Variants in KLHL3 observed in about 807,000 individuals in gnomAD.
KLHL3 encodes the protein kelch like family member 3.
Under a neutral mutation model 70.5 loss-of-function variants are expected in KLHL3, and 19 were observed. The ratio of observed to expected loss-of-function variants is 0.27; its 90% confidence interval spans 0.19 to 0.40. The LOEUF is 0.40. Among genes scored for constraint, KLHL3 ranks in the 10% least tolerant of loss-of-function variants. The probability of loss-of-function intolerance (pLI) is 1.00; values close to 1 mark genes in which losing one functional copy is unlikely to be tolerated. For missense variants in KLHL3, 512 were observed against 771.1 expected, an observed-to-expected ratio of 0.66 and a Z score of 3.98; for synonymous variants, 258 against 290.3, an observed-to-expected ratio of 0.89 and a Z score of 1.13.
chr5:137,634,249 C>T, intron 11 of KLHL3, 84 bp from the exon 12 acceptor site: 1 of 1,442,194 alleles, frequency 6.9e-7, no homozygotes, highest in South Asian at 1.4e-5. Flanking sequence ...CTGCAACCAA[C>T]TGGGGCACCC....
rs559946687 is a variant in KLHL3 at position 137,637,268 on chromosome 5, G to A, written c.1321+26C>T. 27 of 1,593,802 alleles carry A rather than the reference G, an allele frequency of 1.7e-5. No individual in the cohort carries two copies. In the African/African-American group the frequency reaches 3.1e-4, roughly 18 times the overall value. On this transcript the variant is annotated intron_variant, in intron 11 of 14. Transcript: ENST00000309755. ...AAGGCCCGTGGGCCAGGTAGGCCTGGCCACTGGCCACTGCCGCCTCCTTAC... is the reference window on the plus strand; with the variant it reads ...AAGGCCCGTGGGCCAGGTAGGCCTGACCACTGGCCACTGCCGCCTCCTTAC...
At chr5:137,631,089 A>AAAG (rs1554090059) in intron 12 of KLHL3, among the ~76,000 whole-genome samples, 1,615 of 141,636 alleles carry the variant, frequency 0.011, 24 homozygotes, top group African/African-American at 0.044. Flanking sequence ...AAAAAAAAAA[A>AAAG]AGAGAGAGAG....
intron 5 of KLHL3, among the ~76,000 whole-genome samples, chr5:137,682,403 T>TAGAGAGAGAGAGAGAGAGGGAG (rs1752049975): frequency 7.5e-6 from 1 of 133,374 alleles, no homozygotes; most frequent in Non-Finnish European, 1.6e-5. Flanking sequence ...GTGCTGGACA[T>TAGAGAGAGAGAGAGAGAGGGAG]AGAGAGAGAG....
In KLHL3 at chr5:137,698,286, C is replaced by T; in HGVS notation, c.363+1G>A. 1 of 1,614,164 alleles carries T rather than the reference C, an allele frequency of 6.2e-7. No individual in the cohort carries two copies. Among genetic ancestry groups the T allele is most frequent in the Non-Finnish European group, 8.5e-7 (1 of 1,180,012 alleles). ...TGAGCTATTAGTGAGCCTGAGTTTA[C>T]CTGGACATTCTCTTCAGTCACCTCG... On this transcript the variant is annotated splice_donor_variant, in intron 4 of 14. Coordinates refer to ENST00000309755, the MANE Select transcript of KLHL3 (RefSeq NM_017415.3). LOFTEE classifies it high-confidence loss of function.
At chr5:137,730,281 G>A (rs1213164592) in intron 1 of KLHL3, among the ~76,000 whole-genome samples, 1 of 152,172 alleles carries the variant, frequency 6.6e-6, no homozygotes, top group African/African-American at 2.4e-5. Flanking sequence ...CAGGCCAAGT[G>A]AGGCACAACC....
At chr5:137,637,748 C>T (rs1460196952) in intron 10 of KLHL3, among the ~76,000 whole-genome samples, 1 of 152,224 alleles carries the variant, frequency 6.6e-6, no homozygotes, top group Non-Finnish European at 1.5e-5. Flanking sequence ...CCCTTTCCCC[C>T]AGCTTCCTCT....
rs548868163 is a variant in KLHL3, at chr5:137,688,320, C to T, written c.526+3965G>A. 7.0e-4 allele frequency among the ~76,000 whole-genome samples: 106 copies of T among 152,292 alleles called. No homozygotes were observed. In the Middle Eastern group the frequency reaches 0.014, roughly 20 times the overall value. ...GGAGACTCTCAGCCTGAAGATCATG[C>T]TGACCCAGCCAGGAAAAGTAGGAGG... On this transcript the variant is annotated intron_variant, in intron 5 of 14. Coordinates refer to ENST00000309755, the MANE Select transcript of KLHL3 (RefSeq NM_017415.3).
chr5:137,625,850 A>G lies in KLHL3; in HGVS notation c.1638T>C (p.Asp546=). 1 of 1,614,186 alleles carries G rather than the reference A, an allele frequency of 6.2e-7. No homozygotes were observed. Among genetic ancestry groups the G allele is most frequent in the Non-Finnish European group, 8.5e-7 (1 of 1,180,038 alleles). ...CCACCGAAGCCAAGTTGCAGGATCCATCATCCCCTCCAACCACATACAGGA... is the reference window on the plus strand; with the variant it reads ...CCACCGAAGCCAAGTTGCAGGATCCGTCATCCCCTCCAACCACATACAGGA... ...NGLLYVVGGD[D]GSCNLASVEY... is the part of the protein sequence containing the mutation. Residue 546 remains aspartate (D), a synonymous_variant, in exon 14 of 15, where the codon GAT becomes GAC. Transcript: ENST00000309755.
intron 8 of KLHL3, among the ~76,000 whole-genome samples, chr5:137,655,547 T>C (rs1295390444): frequency 1.3e-5 from 2 of 152,126 alleles, no homozygotes; most frequent in Non-Finnish European, 2.9e-5. Flanking sequence ...AAAAGATAGA[T>C]CAATTTGACT....
chr5:137,701,355 G>GC (rs1218334031), intron 3 of KLHL3, among the ~76,000 whole-genome samples: 1 of 151,966 alleles, frequency 6.6e-6, no homozygotes, highest in Non-Finnish European at 1.5e-5. Context: ...GCCAAAATTG[G>GC]CATTTCAAGA....
intron 5 of KLHL3, among the ~76,000 whole-genome samples, chr5:137,691,777 A>AT (rs55683916): frequency 0.012 from 1,696 of 146,210 alleles, 32 homozygotes; most frequent in African/African-American, 0.04. Context: ...AGCCCCGCTA[A>AT]TTTTTTTTTT....
intron 6 of KLHL3, among the ~76,000 whole-genome samples, chr5:137,673,185 T>A (rs1171554001): frequency 5.9e-5 from 9 of 152,170 alleles, no homozygotes; most frequent in African/African-American, 2.2e-4. Context: ...CTTTGTTTTG[T>A]GTTAAATGAA....
At chr5:137,622,322 C>T (rs1007611672) in intron 14 of KLHL3, among the ~76,000 whole-genome samples, 196 bp from the exon 15 acceptor site, 1 of 152,230 alleles carries the variant, frequency 6.6e-6, no homozygotes, top group South Asian at 2.1e-4. Flanking sequence ...TGGCAAGACA[C>T]TTGAACCTAC....
intron 6 of KLHL3, among the ~76,000 whole-genome samples, chr5:137,675,590 T>A (rs1249710806): frequency 1.3e-5 from 2 of 152,164 alleles, no homozygotes; most frequent in Non-Finnish European, 2.9e-5. Context: ...CTCAAGGTCA[T>A]ACAGCCAGAA....
intron 2 of KLHL3, among the ~76,000 whole-genome samples, chr5:137,710,189 GT>G (rs2149929602): frequency 6.6e-6 from 1 of 152,280 alleles, no homozygotes; most frequent in South Asian, 2.1e-4. Flanking sequence ...TCAGGGAACA[GT>G]GGCAAAAGCT....
intron 3 of KLHL3, among the ~76,000 whole-genome samples, chr5:137,704,519 A>G (rs551109505): frequency 6.6e-6 from 1 of 152,252 alleles, no homozygotes; most frequent in African/African-American, 2.4e-5. Context: ...AGGCCCCCAC[A>G]TCACCAACTC....
At chr5:137,702,914 T>A (rs1752600153) in intron 3 of KLHL3, among the ~76,000 whole-genome samples, 1 of 152,070 alleles carries the variant, frequency 6.6e-6, no homozygotes, top group Non-Finnish European at 1.5e-5. Context: ...GCACACTATG[T>A]GCACAGCTGA....
chr5:137,695,402 CTCTT>C (rs1305915555), intron 4 of KLHL3, among the ~76,000 whole-genome samples: 1 of 152,128 alleles, frequency 6.6e-6, no homozygotes, highest in Non-Finnish European at 1.5e-5. Flanking sequence ...CTCTTTCCCT[CTCTT>C]TGACTCTGAG....
At chr5:137,632,170 C>T (rs1359684491) in intron 12 of KLHL3, among the ~76,000 whole-genome samples, 1 of 152,022 alleles carries the variant, frequency 6.6e-6, no homozygotes, top group Non-Finnish European at 1.5e-5. Context: ...AAAGTTTATA[C>T]AGAACCAAAA....
Sources: gnomAD v4.1 joint callset for allele counts (sites outside exome capture counted in the v4.1 genomes callset) on GRCh38, gnomAD v4.1.1 for gene constraint, MANE v1.5 for transcripts, NCBI Gene and HGNC (gene_info 2026-07-23, HGNC 2026-07-21) for gene names.